CAMTA1: variants seen among roughly 807,000 people sequenced by gnomAD.
CAMTA1 encodes calmodulin-binding transcription activator 1.
A neutral mutation model predicts 170.9 loss-of-function variants in CAMTA1; 27 were observed. That is an observed-to-expected ratio of 0.16 (90% CI 0.12 to 0.22). The LOEUF (loss-of-function observed/expected upper bound fraction) is 0.22, where lower values mean the gene tolerates loss of function less well. Among genes scored for constraint, CAMTA1 ranks in the 10% least tolerant of loss-of-function variants. CAMTA1 has a pLI of 1.00. For synonymous variants in CAMTA1, 833 were observed against 891.5 expected, an observed-to-expected ratio of 0.93 and a Z score of 1.17; for missense variants, 1,619 against 2,217.2, an observed-to-expected ratio of 0.73 and a Z score of 5.42.
chr1:7,687,858 G>A (rs2096271963), intron 11 of CAMTA1, among the ~76,000 whole-genome samples: 1 of 152,102 alleles, frequency 6.6e-6, no homozygotes, highest in African/African-American at 2.4e-5. Context: ...CACTGTGTTG[G>A]TATCAGACCT....
Position 6,846,335 on chromosome 1 carries a change from G to T in CAMTA1, c.234+21125G>T, listed in dbSNP as rs541486037. ...ATATTCTCATCATCTCAAACTATTG[G>T]AAAATGCCCTTATCTACTCTCCATT... On this transcript the variant is annotated intron_variant, in intron 3 of 22. Coordinates refer to ENST00000303635, the MANE Select transcript of CAMTA1 (RefSeq NM_015215.4). Among the ~76,000 whole-genome samples, 10 of 152,240 alleles carry T rather than the reference G, an allele frequency of 6.6e-5. No individual in the cohort carries two copies. The South Asian group carries it at 2.1e-3, about 32-fold the overall frequency.
intron 3 of CAMTA1, among the ~76,000 whole-genome samples, chr1:6,899,550 GCGCGCACA>G (rs747630499): frequency 1.6e-4 from 14 of 85,108 alleles, no homozygotes; most frequent in Non-Finnish European, 2.8e-4. Context: ...GCGCACGCGC[GCGCGCACA>G]CACACACACA....
chr1:7,470,887 C>T (rs1000885889), intron 6 of CAMTA1, among the ~76,000 whole-genome samples: 1 of 152,212 alleles, frequency 6.6e-6, no homozygotes, highest in South Asian at 2.1e-4. Flanking sequence ...CCTCGATTTT[C>T]CTCTCCAACT....
intron 5 of CAMTA1, among the ~76,000 whole-genome samples, chr1:7,349,552 T>C (rs1267417087): frequency 1.3e-5 from 2 of 152,224 alleles, no homozygotes; most frequent in Non-Finnish European, 2.9e-5. Flanking sequence ...TTGATTTTCT[T>C]GCAGTCCTGG....
rs571376013 is a variant in CAMTA1, at chr1:7,738,938, A to T, written c.4182+456A>T. Among the ~76,000 whole-genome samples, 16 of 152,354 alleles carry T rather than the reference A, an allele frequency of 1.1e-4. No individual in the cohort carries two copies. The highest frequency in any genetic ancestry group is 3.6e-4 in the African/African-American group (15 of 41,590). On this transcript the variant is annotated intron_variant, in intron 16 of 22. Transcript: ENST00000303635. The surrounding 1 kb of genome is among the most constrained non-coding windows in gnomAD (Gnocchi z 4.9). ...CTATCATCTAGCCATTGTAAAGGGC[A>T]TATATGGCGTGAGGCTCTCACGAGG... is the stretch of plus-strand genomic sequence containing the variant.
chr1:7,711,589 CA>C (rs967131766), intron 11 of CAMTA1, among the ~76,000 whole-genome samples: 3 of 152,166 alleles, frequency 2.0e-5, no homozygotes, highest in Non-Finnish European at 4.4e-5. Context: ...AACCAGAGCC[CA>C]TCACCTTTTA....
chr1:7,093,234 C>T lies in CAMTA1; in HGVS notation c.302+1863C>T, dbSNP rs950025249. Reference sequence around the variant, plus strand: ...CCTAGGGTTTCTGATTCAGCAGGTGCGGTGCAGGGGGCCTGAACATGTGTT... The same window carrying T: ...CCTAGGGTTTCTGATTCAGCAGGTGTGGTGCAGGGGGCCTGAACATGTGTT... On this transcript the variant is annotated intron_variant, in intron 4 of 22. Coordinates refer to ENST00000303635, the MANE Select transcript of CAMTA1 (RefSeq NM_015215.4). This position sits in a 1 kb window ranked among gnomAD's most constrained non-coding sequence, Gnocchi z 4.6. Among the ~76,000 whole-genome samples the T allele has an allele frequency of 2.0e-5, 3 of 152,112 alleles. No individual in the cohort carries two copies. The highest frequency in any genetic ancestry group is 4.8e-5 in the African/African-American group (2 of 41,434).
At chr1:6,810,532 C>T (rs1401849362) in intron 1 of CAMTA1, among the ~76,000 whole-genome samples, 6 of 152,270 alleles carry the variant, frequency 3.9e-5, no homozygotes, top group African/African-American at 7.2e-5. Flanking sequence ...AGTGGCTGGG[C>T]GCGGTGGCTC....
At chr1:7,727,351 T>A (rs763012550) in intron 11 of CAMTA1, among the ~76,000 whole-genome samples, 34 of 152,310 alleles carry the variant, frequency 2.2e-4, no homozygotes, top group Non-Finnish European at 4.3e-4. Flanking sequence ...CTGGATCTCC[T>A]GATCTTGTGA....
intron 16 of CAMTA1, among the ~76,000 whole-genome samples, chr1:7,742,311 A>C (rs1195736926): frequency 6.6e-6 from 1 of 152,094 alleles, no homozygotes; most frequent in African/African-American, 2.4e-5. Context: ...GTAGATATGA[A>C]AAGCATATGA....
intron 20 of CAMTA1, among the ~76,000 whole-genome samples, chr1:7,751,968 T>C (rs1171112494): frequency 6.6e-6 from 1 of 152,226 alleles, no homozygotes; most frequent in Non-Finnish European, 1.5e-5. Context: ...AATTACTGCA[T>C]GTGAGACCTT....
intron 3 of CAMTA1, among the ~76,000 whole-genome samples, chr1:6,984,467 C>G (rs1445345968): frequency 1.3e-5 from 2 of 151,940 alleles, no homozygotes; most frequent in Admixed American, 1.3e-4. Context: ...CAAAAATTAG[C>G]CAGGTGTGGG....
At chr1:7,338,257 C>A (rs1295516198) in intron 5 of CAMTA1, among the ~76,000 whole-genome samples, 1 of 151,986 alleles carries the variant, frequency 6.6e-6, no homozygotes, top group Non-Finnish European at 1.5e-5. Context: ...AGAGAGTGCA[C>A]CCCCTTCCAC....
rs554985885 is a variant in CAMTA1, at chr1:7,164,140, G to A, written c.302+72769G>A. Among the ~76,000 whole-genome samples, 25 of 152,214 alleles carry A rather than the reference G, an allele frequency of 1.6e-4. No individual in the cohort carries two copies. In the East Asian group the frequency reaches 3.7e-3, roughly 22 times the overall value. On this transcript the variant is annotated intron_variant, in intron 4 of 22. Coordinates refer to ENST00000303635, the MANE Select transcript of CAMTA1 (RefSeq NM_015215.4). The stretch of plus-strand genomic sequence containing the variant: ...GGCTTCCCCACTCCTCGCTCCCCAC[G>A]TTTCTTCTCATTCTGACTCTAGTGT...
intron 6 of CAMTA1, among the ~76,000 whole-genome samples, chr1:7,549,624 T>G (rs761503877): frequency 1.1e-4 from 16 of 152,264 alleles, no homozygotes; most frequent in Admixed American, 3.9e-4. Context: ...TCACAAATAT[T>G]TTTAAGGACC....
intron 3 of CAMTA1, among the ~76,000 whole-genome samples, chr1:7,046,300 C>T (rs1049260683): frequency 6.6e-6 from 1 of 152,190 alleles, no homozygotes; most frequent in African/African-American, 2.4e-5. Flanking sequence ...TGTTGACAAC[C>T]TCCCACATTT....
chr1:6,908,655 T>G (rs1056875263), intron 3 of CAMTA1, among the ~76,000 whole-genome samples: 1 of 152,282 alleles, frequency 6.6e-6, no homozygotes, highest in African/African-American at 2.4e-5. Context: ...GAAATGGACA[T>G]GAAAATTTTT....
At position 7,009,389 on chromosome 1, in the gene CAMTA1, T is replaced by A. The variant is rs533075670; in HGVS notation, c.235-81915T>A. On this transcript the variant is annotated intron_variant, in intron 3 of 22. Coordinates refer to ENST00000303635, the MANE Select transcript of CAMTA1 (RefSeq NM_015215.4). ...GGGTCTGTGTCCTCCTGGGGCAGTG[T>A]GGTTCCAGGACCCAGGTCCAGCTCA... Among the ~76,000 whole-genome samples, 21 of 152,272 alleles carry A rather than the reference T, an allele frequency of 1.4e-4. 2 individuals carry two copies. The South Asian group carries it at 4.1e-3, about 30-fold the overall frequency.
intron 3 of CAMTA1, among the ~76,000 whole-genome samples, chr1:6,922,448 G>A (rs1196917827): frequency 6.6e-6 from 1 of 152,184 alleles, no homozygotes; most frequent in Non-Finnish European, 1.5e-5. Context: ...TAGTGGCTGG[G>A]CTGTCATCTT....
Sources: allele counts gnomAD v4.1 joint callset (sites outside exome capture counted in the v4.1 genomes callset), GRCh38; gene constraint gnomAD v4.1.1; non-coding constraint Gnocchi (gnomAD v3.1); transcripts MANE v1.5; gene names NCBI Gene and HGNC (gene_info 2026-07-23, HGNC 2026-07-21).